Variants in RNF170 observed in about 807,000 individuals in gnomAD.
RNF170 encodes the protein E3 ubiquitin-protein ligase RNF170.
Under a neutral mutation model 32.7 loss-of-function variants are expected in RNF170, and 12 were observed. That is an observed-to-expected ratio of 0.37 (90% confidence interval 0.24 to 0.60). The LOEUF is 0.60. Ranked by LOEUF, RNF170 falls within the 20% of genes least tolerant of loss-of-function variation. The pLI is 0.72. For missense variants in RNF170, 212 were observed against 311.2 expected (o/e 0.68, Z 2.40); for synonymous variants, 91 against 103.6 (o/e 0.88, Z 0.74).
At chr8:42,851,497 G>A (rs1029781901), downstream of RNF170, among the ~76,000 whole-genome samples, 4 of 151,552 alleles carry the variant, frequency 2.6e-5, no homozygotes, top group South Asian at 2.1e-4. Flanking sequence ...CCCAGGAAGC[G>A]GAGGTTGCAG....
At position 42,889,628 on chromosome 8, in the gene RNF170, T is replaced by G. The variant is rs577819641; in HGVS notation, c.-7-1757A>C. Among the ~76,000 whole-genome samples, 9 of 152,280 alleles carry G rather than the reference T, an allele frequency of 5.9e-5. No individual in the cohort carries two copies. In the South Asian group the frequency reaches 1.9e-3, roughly 32 times the overall value. On this transcript the variant is annotated intron_variant, in intron 1 of 6. Transcript: ENST00000527424. The stretch of plus-strand genomic sequence containing the variant: ...CATGGAAGAAACCTACGCAAACAGA[T>G]GAAAGGCAGCTTTCATCAGCTTTAC...
chr8:42,890,211 T>C (rs1312691214), intron 1 of RNF170, among the ~76,000 whole-genome samples: 2 of 149,612 alleles, frequency 1.3e-5, no homozygotes, highest in Admixed American at 6.7e-5. Context: ...GTACAACATA[T>C]ATATAATATA....
In RNF170 at chr8:42,875,063, C is replaced by G. The variant is rs565798089; in HGVS notation, c.138-1057G>C. Among the ~76,000 whole-genome samples the G allele has an allele frequency of 7.2e-5, 11 of 151,814 alleles. No homozygotes were observed. In the East Asian group the frequency reaches 1.8e-3, roughly 24 times the overall value. ...GCGAATGCCTGTAATCCCAGCTACTCAGAAGGCTGAGGCAGAAGAATCGCT... is the reference window on the plus strand; with the variant it reads ...GCGAATGCCTGTAATCCCAGCTACTGAGAAGGCTGAGGCAGAAGAATCGCT... On this transcript the variant is annotated intron_variant, in intron 2 of 6. Coordinates refer to ENST00000527424, the MANE Select transcript of RNF170 (RefSeq NM_030954.4).
intron 1 of RNF170, among the ~76,000 whole-genome samples, chr8:42,890,743 T>C (rs529885981): frequency 2.6e-5 from 4 of 152,292 alleles, no homozygotes; most frequent in East Asian, 1.9e-4. Context: ...TCTTGTCCCA[T>C]GGAAATCCCA....
chr8:42,850,629 T>A, downstream of RNF170: 1 of 815,142 alleles, frequency 1.2e-6, no homozygotes, highest in South Asian at 1.7e-5. Flanking sequence ...TGTGTTCTAG[T>A]GAGAAGCAGA....
chr8:42,888,744 G>T (rs1009408534), intron 1 of RNF170, among the ~76,000 whole-genome samples: 3 of 152,012 alleles, frequency 2.0e-5, no homozygotes, highest in African/African-American at 7.2e-5. Flanking sequence ...GGGAGACAGA[G>T]CAAGACCCTG....
Position 42,854,803 on chromosome 8 carries a change from C to T in RNF170, c.*1356G>A, listed in dbSNP as rs1267807947. 1 of 1,287,316 alleles carries T rather than the reference C, an allele frequency of 7.8e-7. No homozygotes were observed. The highest frequency in any genetic ancestry group is 5.5e-5 in the East Asian group (1 of 18,032). 79.7% of individuals were successfully genotyped at this position (1,287,316 alleles called of 1,614,324 possible). On this transcript the variant is annotated 3_prime_UTR_variant, in exon 7 of 7. Transcript: ENST00000527424. The stretch of plus-strand genomic sequence containing the variant: ...GTCATACATTCACTAATGAGCAACG[C>T]CAGCTGAAGTGAGTAAGATCTCCCA...
chr8:42,895,820 G>A (rs138791844), intron 1 of RNF170, among the ~76,000 whole-genome samples: 4 of 152,210 alleles, frequency 2.6e-5, no homozygotes, highest in Non-Finnish European at 4.4e-5. Context: ...ACACATAGAT[G>A]GTAAAGCTGT....
Position 42,854,370 on chromosome 8 carries a change from G to A in RNF170, c.*1789C>T, listed in dbSNP as rs529183372. 24 of 1,287,152 alleles carry A rather than the reference G, an allele frequency of 1.9e-5. No individual in the cohort carries two copies. The South Asian group carries it at 2.8e-4, about 15-fold the overall frequency. The allele number at this position is 1,287,152 out of a possible 1,614,324, so 79.7% of individuals were successfully genotyped here. ...ATGCCACTTTGATCAGTTATTTGTT[G>A]TATGACTTCATTCAAAAACACTTTC... On this transcript the variant is annotated 3_prime_UTR_variant, in exon 7 of 7. Transcript: ENST00000527424.
chr8:42,860,106 C>T (rs1438505295), intron 6 of RNF170, among the ~76,000 whole-genome samples: 1 of 152,190 alleles, frequency 6.6e-6, no homozygotes, highest in South Asian at 2.1e-4. Context: ...CAGCTCAATA[C>T]TCCACGTGTT....
chr8:42,853,269 G>GT (rs1375288249), downstream of RNF170: 1 of 1,093,088 alleles, frequency 9.1e-7, no homozygotes, highest in East Asian at 6.0e-5. Flanking sequence ...GCAAACAACT[G>GT]TTAAATAAAC....
intron 6 of RNF170, 72 bp downstream of exon 6, chr8:42,861,673 G>T (rs769248900): frequency 8.3e-7 from 1 of 1,207,948 alleles, no homozygotes; most frequent in Non-Finnish European, 1.2e-6. Context: ...AATACTTGTT[G>T]GTAAACCTCA....
intron 2 of RNF170, among the ~76,000 whole-genome samples, chr8:42,875,086 G>T (rs569113330): frequency 6.6e-6 from 1 of 151,444 alleles, no homozygotes; most frequent in Admixed American, 6.6e-5. Flanking sequence ...CAGAAGAATC[G>T]CTTAAACCCC....
chr8:42,850,983 C>T (rs1392138522), downstream of RNF170: 5 of 1,551,556 alleles, frequency 3.2e-6, no homozygotes, highest in Non-Finnish European at 3.5e-6. Context: ...CACGGCTGCT[C>T]TTCTCTGATG....
chr8:42,863,527 C>T (rs372251380), intron 5 of RNF170, among the ~76,000 whole-genome samples: 21 of 152,308 alleles, frequency 1.4e-4, no homozygotes, highest in African/African-American at 5.1e-4. Context: ...CTGCAACCTC[C>T]ACCTCCCAGG....
chr8:42,896,256 A>G (rs1435158249), intron 1 of RNF170: 1 of 342,170 alleles, frequency 2.9e-6, no homozygotes, highest in African/African-American at 2.3e-5. Flanking sequence ...AAACCCACCT[A>G]GAGCCGCTCT....
chr8:42,896,589 T>G lies in RNF170; in HGVS notation c.-113A>C. On this transcript the variant is annotated 5_prime_UTR_variant, in exon 1 of 7. Coordinates refer to ENST00000527424, the MANE Select transcript of RNF170 (RefSeq NM_030954.4). ...CCCGGGCAACCCACTAGACGTCCCC[T>G]TTCTAATTTGGAGTGCGGGTGCGGG... is the stretch of plus-strand genomic sequence containing the variant. The G allele has an allele frequency of 2.2e-6, 1 of 453,712 alleles. No homozygotes were observed. The highest frequency in any genetic ancestry group is 4.4e-6 in the Non-Finnish European group (1 of 226,660). 28.1% of individuals were successfully genotyped at this position (453,712 alleles called of 1,614,324 possible).
rs1482798955 is a variant in RNF170, at chr8:42,853,670, G to A, written c.*2489C>T. On this transcript the variant is annotated 3_prime_UTR_variant, in exon 7 of 7. Coordinates refer to ENST00000527424, the MANE Select transcript of RNF170 (RefSeq NM_030954.4). The stretch of plus-strand genomic sequence containing the variant: ...TATGATCTAACTCTGAATCACGGAA[G>A]TATTACTATGATGTTCAAAACTCTG... The A allele has an allele frequency of 5.4e-6, 7 of 1,286,624 alleles. No individual in the cohort carries two copies. The East Asian group carries it at 3.3e-4, about 61-fold the overall frequency. The allele number at this position is 1,286,624 out of a possible 1,614,324, so 79.7% of individuals were successfully genotyped here.
chr8:42,896,500 A>T lies in RNF170; in HGVS notation c.-24T>A, dbSNP rs1806908543. 2.2e-6 allele frequency: 1 copy of T among 453,742 alleles called. No homozygotes were observed. Among genetic ancestry groups the T allele is most frequent in the African/African-American group, 2.0e-5 (1 of 49,936 alleles). 28.1% of individuals were successfully genotyped at this position (453,742 alleles called of 1,614,324 possible). On this transcript the variant is annotated 5_prime_UTR_variant, in exon 1 of 7. Coordinates refer to ENST00000527424, the MANE Select transcript of RNF170 (RefSeq NM_030954.4). Reference sequence around the variant, plus strand: ...CGGACGTACCTCTCCACCGCGAAGGAACTACCTCGCCAGTTCCCGGCGACA... The same window carrying T: ...CGGACGTACCTCTCCACCGCGAAGGTACTACCTCGCCAGTTCCCGGCGACA...
Sources: allele counts gnomAD v4.1 joint callset (sites outside exome capture counted in the v4.1 genomes callset), GRCh38; gene constraint gnomAD v4.1.1; transcripts MANE v1.5; gene names NCBI Gene and HGNC (gene_info 2026-07-23, HGNC 2026-07-21).